UBE2O: variants seen among roughly 807,000 people sequenced by gnomAD.
UBE2O encodes the protein (E3-independent) E2 ubiquitin-conjugating enzyme.
In UBE2O, 15 loss-of-function variants were observed where a neutral mutation model predicts 125.8. The observed-to-expected ratio is 0.12, with a 90% CI of 0.08 to 0.18. The LOEUF is 0.18. UBE2O is among the 10% of genes least tolerant of loss of function. UBE2O has a pLI of 1.00. For missense variants in UBE2O, 1,280 were observed against 1,723.6 expected (o/e 0.74, Z 4.56); for synonymous variants, 708 against 703.2 (o/e 1.01, Z -0.11).
At chr17:76,421,670 T>C (rs1019501573) in intron 1 of UBE2O, among the ~76,000 whole-genome samples, 2 of 152,118 alleles carry the variant, frequency 1.3e-5, no homozygotes, top group African/African-American at 2.4e-5. Flanking sequence ...CGGCCCTGAG[T>C]GACTATTTTC....
chr17:76,441,956 TG>T (rs2073081268), intron 1 of UBE2O, among the ~76,000 whole-genome samples: 1 of 152,194 alleles, frequency 6.6e-6, no homozygotes, highest in South Asian at 2.1e-4. Flanking sequence ...TGCAGTCGGG[TG>T]GGGCATTCTT....
chr17:76,445,302 AG>A (rs2073134675), intron 1 of UBE2O, among the ~76,000 whole-genome samples: 1 of 151,250 alleles, frequency 6.6e-6, no homozygotes, highest in South Asian at 2.1e-4. Context: ...ACTGTTTCCC[AG>A]GTATAGTTAT....
Position 76,416,260 on chromosome 17 carries a change from G to GTA in UBE2O, c.418-10690_418-10689dup, listed in dbSNP as rs951171598. 5.9e-4 allele frequency among the ~76,000 whole-genome samples: 90 copies of GTA among 151,876 alleles called. No homozygotes were observed. In the Middle Eastern group the frequency reaches 0.01, roughly 17 times the overall value. On this transcript the variant is annotated intron_variant, in intron 1 of 17. Coordinates refer to ENST00000319380, the MANE Select transcript of UBE2O (RefSeq NM_022066.4). ...TATATGTGTGTATATGTATGTATAT[G>GTA]TATATATATAAAGCATGGCCCTGGA...
At chr17:76,433,838 A>G (rs925056906) in intron 1 of UBE2O, among the ~76,000 whole-genome samples, 21 of 152,234 alleles carry the variant, frequency 1.4e-4, no homozygotes, top group Non-Finnish European at 2.1e-4. Context: ...CCTGGGCAAC[A>G]TAGTGAGATG....
At position 76,396,589 on chromosome 17, in the gene UBE2O, G is replaced by A. The variant is rs762269152; in HGVS notation, c.2348C>T (p.Ala783Val). 1 of 1,607,272 alleles carries A rather than the reference G, an allele frequency of 6.2e-7. No homozygotes were observed. The highest frequency in any genetic ancestry group is 8.5e-7 in the Non-Finnish European group (1 of 1,177,232). ...GVVISEEAAT[A>V]AVQGAVAMAA... is the part of the protein sequence containing the mutation. Reference sequence around the variant, plus strand: ...CATGGCCACAGCCCCCTGGACGGCAGCTGTGGCTGCCTCTTCACTGATCAC... The same window carrying A: ...CATGGCCACAGCCCCCTGGACGGCAACTGTGGCTGCCTCTTCACTGATCAC... The change falls in exon 14 of 18, where the codon GCT becomes GTT. Residue 783 changes from alanine (A) to valine (V), a missense_variant. Transcript: ENST00000319380. The surrounding 1 kb of genome is among the most constrained non-coding windows in gnomAD (Gnocchi z 6.7).
intron 5 of UBE2O, 134 bp downstream of exon 5, chr17:76,401,930 G>A: frequency 7.6e-6 from 4 of 525,162 alleles, no homozygotes; most frequent in South Asian, 5.7e-5. Flanking sequence ...CAAACTTTTA[G>A]ACCCTCTGGC....
At chr17:76,424,650 G>C (rs915515266) in intron 1 of UBE2O, among the ~76,000 whole-genome samples, 1 of 152,020 alleles carries the variant, frequency 6.6e-6, no homozygotes. Flanking sequence ...CAAGGTGGGA[G>C]GATTGCTTGA....
intron 1 of UBE2O, among the ~76,000 whole-genome samples, chr17:76,416,568 G>A (rs1041777612): frequency 2.6e-5 from 4 of 152,126 alleles, no homozygotes; most frequent in Non-Finnish European, 5.9e-5. Flanking sequence ...ATGACAGACC[G>A]CACGTGGAAG....
At chr17:76,401,621 G>T in intron 5 of UBE2O, 1 of 171,070 alleles carries the variant, frequency 5.8e-6, no homozygotes, top group Non-Finnish European at 1.2e-5. Flanking sequence ...GCTCACGCCT[G>T]TAATCCCAGC....
rs113232095 is a variant in UBE2O, at chr17:76,405,345, C to T, written c.478-29G>A. 1,015 of 1,585,496 alleles carry T rather than the reference C, an allele frequency of 6.4e-4. 5 individuals carry two copies. The African/African-American group carries it at 0.012, about 18-fold the overall frequency. On this transcript the variant is annotated intron_variant, in intron 2 of 17. Coordinates refer to ENST00000319380, the MANE Select transcript of UBE2O (RefSeq NM_022066.4). The surrounding 1 kb of genome is among the most constrained non-coding windows in gnomAD (Gnocchi z 6.1). Reference sequence around the variant, plus strand: ...GGGGAGGGAGGAGACATGCAAGTCCCGTGGTGCAGCAGCCCTGGTCACCAG... The same window carrying T: ...GGGGAGGGAGGAGACATGCAAGTCCTGTGGTGCAGCAGCCCTGGTCACCAG...
intron 1 of UBE2O, among the ~76,000 whole-genome samples, chr17:76,406,334 G>A (rs556244293): frequency 1.3e-5 from 2 of 152,288 alleles, no homozygotes; most frequent in African/African-American, 2.4e-5. Flanking sequence ...ACCTGGGGCA[G>A]CTCCTCTATG....
In UBE2O at chr17:76,452,971, C is replaced by T; in HGVS notation, c.171G>A (p.Gln57=). ...SSDSGPEAGS[Q]RLLFSHDLVS... ...CCAGGTCGTGAGAAAACAGCAGGCGCTGCGAGCCGGCTTCTGGGCCGGAGT... is the reference window on the plus strand; with the variant it reads ...CCAGGTCGTGAGAAAACAGCAGGCGTTGCGAGCCGGCTTCTGGGCCGGAGT... The change falls in exon 1 of 18, where the codon CAG becomes CAA. Residue 57 remains glutamine (Q), a synonymous_variant. Coordinates refer to ENST00000319380, the MANE Select transcript of UBE2O (RefSeq NM_022066.4). The surrounding 1 kb of genome is among the most constrained non-coding windows in gnomAD (Gnocchi z 4.4). The T allele has an allele frequency of 1.3e-6, 2 of 1,495,118 alleles. No homozygotes were observed. The highest frequency in any genetic ancestry group is 1.8e-6 in the Non-Finnish European group (2 of 1,122,268). The allele number at this position is 1,495,118 out of a possible 1,614,324, so 92.6% of individuals were successfully genotyped here.
chr17:76,392,543 C>A (rs1441509895), intron 15 of UBE2O, among the ~76,000 whole-genome samples: 1 of 151,916 alleles, frequency 6.6e-6, no homozygotes, highest in Non-Finnish European at 1.5e-5. Context: ...GGGTTTACAG[C>A]CCTGAGCCGT....
In UBE2O at chr17:76,398,711, A is replaced by T; in HGVS notation, c.1783+126T>A. Reference sequence around the variant, plus strand: ...TTGGAAGTGGTGAGACCCCTTCATGAGGGCAGTCCCCTTCTGGACCTCATT... The same window carrying T: ...TTGGAAGTGGTGAGACCCCTTCATGTGGGCAGTCCCCTTCTGGACCTCATT... On this transcript the variant is annotated intron_variant, in intron 10 of 17. Transcript: ENST00000319380. The surrounding 1 kb of genome is among the most constrained non-coding windows in gnomAD (Gnocchi z 5.4). The T allele has an allele frequency of 6.8e-7, 1 of 1,460,122 alleles. No individual in the cohort carries two copies. Among genetic ancestry groups the T allele is most frequent in the Non-Finnish European group, 9.4e-7 (1 of 1,062,792 alleles). The allele number at this position is 1,460,122 out of a possible 1,614,324, so 90.4% of individuals were successfully genotyped here. A position where few individuals can be genotyped will look rare whatever the true frequency, so the allele number is the denominator to read the frequency against.
intron 13 of UBE2O, among the ~76,000 whole-genome samples, chr17:76,397,425 C>G (rs554834643): frequency 6.6e-6 from 1 of 152,268 alleles, no homozygotes; most frequent in South Asian, 2.1e-4. Context: ...AGAACTGGGT[C>G]GGCTCTCTCC....
Position 76,401,295 on chromosome 17 carries a change from G to A in UBE2O, c.751-141C>T, listed in dbSNP as rs538868505. On this transcript the variant is annotated intron_variant, in intron 5 of 17. Coordinates refer to ENST00000319380, the MANE Select transcript of UBE2O (RefSeq NM_022066.4). The stretch of plus-strand genomic sequence containing the variant: ...CCCCACACGCCCTAAAACAAGTCCT[G>A]TGGCTCCACATCAGCACTTCCCAAA... 6 of 1,003,086 alleles carry A rather than the reference G, an allele frequency of 6.0e-6. No homozygotes were observed. The East Asian group carries it at 1.6e-4, about 27-fold the overall frequency. 62.1% of individuals were successfully genotyped at this position (1,003,086 alleles called of 1,614,324 possible).
At chr17:76,435,832 T>G (rs557010753) in intron 1 of UBE2O, among the ~76,000 whole-genome samples, 37 of 152,246 alleles carry the variant, frequency 2.4e-4, no homozygotes, top group African/African-American at 7.7e-4. Flanking sequence ...CAAAGCTCAG[T>G]GACACCCCGG....
At chr17:76,426,853 TCTC>T (rs1227583033) in intron 1 of UBE2O, among the ~76,000 whole-genome samples, 1 of 152,178 alleles carries the variant, frequency 6.6e-6, no homozygotes, top group Non-Finnish European at 1.5e-5. Flanking sequence ...TGTCCGCATT[TCTC>T]CTTTCTCCTT....
chr17:76,416,467 C>T (rs2072618694), intron 1 of UBE2O, among the ~76,000 whole-genome samples: 2 of 152,130 alleles, frequency 1.3e-5, no homozygotes, highest in Admixed American at 6.6e-5. Flanking sequence ...TTGGGGGAAA[C>T]AGCGGTGTTC....
Sources: allele counts gnomAD v4.1 joint callset (sites outside exome capture counted in the v4.1 genomes callset), GRCh38; gene constraint gnomAD v4.1.1; non-coding constraint Gnocchi (gnomAD v3.1); transcripts MANE v1.5; gene names NCBI Gene and HGNC (gene_info 2026-07-23, HGNC 2026-07-21).